Variants in PTPRN2 observed in about 807,000 individuals in gnomAD.
PTPRN2 encodes receptor-type tyrosine-protein phosphatase N2.
PTPRN2 carries 74 observed loss-of-function variants against 118.8 expected under a neutral mutation model. That is an observed-to-expected ratio of 0.62 (90% CI 0.52 to 0.76). The LOEUF (loss-of-function observed/expected upper bound fraction) is 0.76, where lower values mean the gene tolerates loss of function less well. Ranked by LOEUF, PTPRN2 falls within the 30% of genes least tolerant of loss-of-function variation. The pLI is 0.00. For missense variants in PTPRN2, 1,481 were observed against 1,394.4 expected (o/e 1.06, Z -0.99); for synonymous variants, 641 against 608.0 (o/e 1.05, Z -0.80).
intron 11 of PTPRN2, among the ~76,000 whole-genome samples, chr7:158,019,081 G>A (rs892674733): frequency 4.6e-5 from 7 of 151,542 alleles, no homozygotes; most frequent in African/African-American, 1.5e-4. Context: ...GCTAGCATGA[G>A]ATACCGTGTA....
At chr7:158,074,230 C>T (rs891947123) in intron 11 of PTPRN2, among the ~76,000 whole-genome samples, 4 of 152,188 alleles carry the variant, frequency 2.6e-5, no homozygotes, top group African/African-American at 4.8e-5. Flanking sequence ...TCACCTGCCC[C>T]GGCAGCCGAC....
rs144629908 is a variant in PTPRN2, at chr7:158,238,139, G to A, written c.278-32866C>T. 2.0e-3 allele frequency among the ~76,000 whole-genome samples: 307 copies of A among 152,062 alleles called. 1 individual carries two copies. Among genetic ancestry groups the A allele is most frequent in the Non-Finnish European group, 3.2e-3 (218 of 67,906 alleles). ...CGGGGCGGCTAAGTCGCTAAGTCAC[G>A]CCCGTGTCCGGCTCTGATTGGAAAA... On this transcript the variant is annotated intron_variant, in intron 3 of 22. Coordinates refer to ENST00000389418, the MANE Select transcript of PTPRN2 (RefSeq NM_002847.5).
chr7:157,911,023 C>T (rs896702155), intron 11 of PTPRN2, among the ~76,000 whole-genome samples: 4 of 152,226 alleles, frequency 2.6e-5, no homozygotes, highest in Admixed American at 6.5e-5. Context: ...GGGGGGTGCC[C>T]TTGCCTGTGC....
At chr7:157,731,493 T>TTACTCTTTTCCAC (rs1799903531) in intron 12 of PTPRN2, among the ~76,000 whole-genome samples, 2 of 108,784 alleles carry the variant, frequency 1.8e-5, no homozygotes, top group Non-Finnish European at 1.9e-5. Context: ...CCCTTTCCCG[T>TTACTCTTTTCCAC]CCCATGCGCC....
rs1280677651 is a variant in PTPRN2 at position 157,801,748 on chromosome 7, G to A, written c.1788+96925C>T. On this transcript the variant is annotated intron_variant, in intron 12 of 22. Transcript: ENST00000389418. The surrounding 1 kb of genome is among the most constrained non-coding windows in gnomAD (Gnocchi z 4.2). Reference sequence around the variant, plus strand: ...CGGCTGCTGAATGCCTCCACCGAGGGTTCTGGGAAGGAAAACGCCCGCTTA... The same window carrying A: ...CGGCTGCTGAATGCCTCCACCGAGGATTCTGGGAAGGAAAACGCCCGCTTA... 6.6e-6 allele frequency among the ~76,000 whole-genome samples: 1 copy of A among 152,194 alleles called. No homozygotes were observed. The highest frequency in any genetic ancestry group is 1.5e-5 in the Non-Finnish European group (1 of 68,042).
At position 157,753,904 on chromosome 7, in the gene PTPRN2, G is replaced by C. The variant is rs113672370; in HGVS notation, c.1789-70967C>G. Among the ~76,000 whole-genome samples the C allele has an allele frequency of 2.0e-3, 298 of 152,134 alleles. 1 individual carries two copies. Among genetic ancestry groups the C allele is most frequent in the African/African-American group, 6.8e-3 (283 of 41,502 alleles). On this transcript the variant is annotated intron_variant, in intron 12 of 22. Coordinates refer to ENST00000389418, the MANE Select transcript of PTPRN2 (RefSeq NM_002847.5). ...ACCCCCATCCGCGGCCATGGCTGCTGTCCAGGCATCACGCCCACACCTGCC... is the reference window on the plus strand; with the variant it reads ...ACCCCCATCCGCGGCCATGGCTGCTCTCCAGGCATCACGCCCACACCTGCC...
intron 13 of PTPRN2, among the ~76,000 whole-genome samples, chr7:157,663,845 C>T (rs746933213): frequency 6.6e-6 from 1 of 152,220 alleles, no homozygotes; most frequent in African/African-American, 2.4e-5. Context: ...CAGTCCTTTA[C>T]CTTAACATTT....
chr7:157,945,284 G>A (rs1030449827), intron 11 of PTPRN2, among the ~76,000 whole-genome samples: 2 of 152,048 alleles, frequency 1.3e-5, no homozygotes, highest in African/African-American at 4.8e-5. Flanking sequence ...CACCTGCACT[G>A]GGTTCTCCTT....
intron 3 of PTPRN2, among the ~76,000 whole-genome samples, chr7:158,261,077 G>T (rs986060920): frequency 7.9e-4 from 120 of 152,288 alleles, no homozygotes; most frequent in Admixed American, 1.4e-3. Context: ...ATCCAGCAAG[G>T]GGGGCGTGAG....
Position 157,621,529 on chromosome 7 carries a change from T to G in PTPRN2, c.2197-20A>C. ...GTAGGACTGAAAGGGAAACACAGGG[T>G]CAGGAGCGCACCTAGGTGGTGAGCC... On this transcript the variant is annotated intron_variant, in intron 14 of 22. Coordinates refer to ENST00000389418, the MANE Select transcript of PTPRN2 (RefSeq NM_002847.5). 1 of 1,610,050 alleles carries G rather than the reference T, an allele frequency of 6.2e-7. No individual in the cohort carries two copies. The highest frequency in any genetic ancestry group is 8.5e-7 in the Non-Finnish European group (1 of 1,179,962).
intron 12 of PTPRN2, among the ~76,000 whole-genome samples, chr7:157,853,694 G>A (rs901352561): frequency 3.9e-5 from 6 of 152,160 alleles, no homozygotes; most frequent in African/African-American, 9.7e-5. Flanking sequence ...CCACACGTGC[G>A]GAGATGCTCC....
intron 11 of PTPRN2, among the ~76,000 whole-genome samples, chr7:157,899,214 G>A (rs1797302896): frequency 6.6e-6 from 1 of 152,178 alleles, no homozygotes; most frequent in African/African-American, 2.4e-5. Context: ...GCAGCCTCTT[G>A]TTCATGCCCT....
Position 158,197,810 on chromosome 7 carries a change from C to G in PTPRN2, c.381-5315G>C, listed in dbSNP as rs186942252. On this transcript the variant is annotated intron_variant, in intron 4 of 22. Coordinates refer to ENST00000389418, the MANE Select transcript of PTPRN2 (RefSeq NM_002847.5). ...GAAAACTCACTCACTATCATGAGAA[C>G]AGCATGGAGACAGCCACCTCCATGA... 9.6e-4 allele frequency among the ~76,000 whole-genome samples: 146 copies of G among 152,288 alleles called. 1 individual carries two copies. The highest frequency in any genetic ancestry group is 3.1e-3 in the African/African-American group (129 of 41,556).
chr7:158,433,547 G>A (rs916459567), intron 2 of PTPRN2, among the ~76,000 whole-genome samples: 1 of 152,190 alleles, frequency 6.6e-6, no homozygotes, highest in African/African-American at 2.4e-5. Flanking sequence ...GATTGATAGC[G>A]ATGTCCACTT....
rs373730296 is a variant in PTPRN2 at position 158,521,749 on chromosome 7, C to T, written c.113-31964G>A. Among the ~76,000 whole-genome samples the T allele has an allele frequency of 9.4e-4, 79 of 84,370 alleles. 1 individual carries two copies. Among genetic ancestry groups the T allele is most frequent in the Non-Finnish European group, 1.2e-3 (45 of 38,588 alleles). The allele number at this position is 84,370 out of a possible 152,430, so 55.3% of individuals were successfully genotyped here. ...GTCCACGTCACAATGGTGGACTGTC[C>T]GGGTAGTGGCTCGGGAGGGAGGTCC... On this transcript the variant is annotated intron_variant, in intron 1 of 22. Coordinates refer to ENST00000389418, the MANE Select transcript of PTPRN2 (RefSeq NM_002847.5).
chr7:157,681,532 C>T (rs1303016684), intron 13 of PTPRN2, among the ~76,000 whole-genome samples: 10 of 152,198 alleles, frequency 6.6e-5, no homozygotes, highest in Admixed American at 5.9e-4. Flanking sequence ...AAACTGGAGG[C>T]TTCCTCCATT....
chr7:157,899,805 G>A (rs1797339378), intron 11 of PTPRN2, among the ~76,000 whole-genome samples: 1 of 152,136 alleles, frequency 6.6e-6, no homozygotes, highest in African/African-American at 2.4e-5. Flanking sequence ...ATTACCTACT[G>A]CGCTGAAAGA....
intron 14 of PTPRN2, among the ~76,000 whole-genome samples, chr7:157,652,764 G>A (rs921684346): frequency 1.1e-4 from 17 of 152,196 alleles, no homozygotes; most frequent in African/African-American, 3.4e-4. Context: ...GGCACCTGCC[G>A]CCTCCTGTCT....
intron 2 of PTPRN2, among the ~76,000 whole-genome samples, chr7:158,372,252 G>GCTGGTCCCCGGAGCTGATCCCCCCAA (rs1810079014): frequency 7.3e-6 from 1 of 136,188 alleles, no homozygotes; most frequent in South Asian, 2.3e-4. Context: ...GGCCTCCCCA[G>GCTGGTCCCCGGAGCTGATCCCCCCAA]TGCTGGTCCC....
Sources: allele counts gnomAD v4.1 joint callset (sites outside exome capture counted in the v4.1 genomes callset), GRCh38; gene constraint gnomAD v4.1.1; non-coding constraint Gnocchi (gnomAD v3.1); transcripts MANE v1.5; gene names NCBI Gene and HGNC (gene_info 2026-07-23, HGNC 2026-07-21).